The following NOS1AP variants were observed in gnomAD, a reference collection of about 807,000 sequenced individuals.
The protein encoded by NOS1AP is nitric oxide synthase 1 adaptor protein.
In NOS1AP, 21 loss-of-function variants were observed where a neutral mutation model predicts 56.2. The ratio of observed to expected loss-of-function variants is 0.37; its 90% CI spans 0.26 to 0.54. NOS1AP has a LOEUF of 0.54. NOS1AP is among the 20% of genes least tolerant of loss of function. NOS1AP has a pLI of 0.84. For synonymous variants in NOS1AP, 270 were observed against 274.6 expected (o/e 0.98, Z 0.17); for missense variants, 522 against 657.8 (o/e 0.79, Z 2.26).
At chr1:162,082,759 A>G (rs867874219) in intron 1 of NOS1AP, among the ~76,000 whole-genome samples, 2 of 152,122 alleles carry the variant, frequency 1.3e-5, no homozygotes, top group African/African-American at 2.4e-5. Flanking sequence ...CTCTCCACCC[A>G]GAGGCCCCAT....
intron 2 of NOS1AP, among the ~76,000 whole-genome samples, chr1:162,234,358 G>A (rs1314830917): frequency 1.3e-5 from 2 of 152,196 alleles, no homozygotes; most frequent in East Asian, 1.9e-4. Context: ...GCTAAGGAGT[G>A]TTCCTATTCC....
intron 2 of NOS1AP, among the ~76,000 whole-genome samples, chr1:162,158,656 G>C (rs880296): frequency 0.7 from 106,319 of 152,058 alleles, 38,076 homozygotes; most frequent in Non-Finnish European, 0.79. Context: ...GTGTTAGAAC[G>C]AAGACCAAAC....
intron 2 of NOS1AP, among the ~76,000 whole-genome samples, chr1:162,251,376 A>G (rs1653842344): frequency 1.3e-5 from 2 of 152,120 alleles, no homozygotes; most frequent in Non-Finnish European, 2.9e-5. Context: ...CTACCTTGTC[A>G]TTATGAGTCA....
intron 4 of NOS1AP, among the ~76,000 whole-genome samples, chr1:162,319,352 T>C (rs1210453115): frequency 2.6e-5 from 4 of 151,972 alleles, no homozygotes; most frequent in Non-Finnish European, 5.9e-5. Context: ...CCTGCCCTCC[T>C]CCAATCCATC....
chr1:162,333,621 C>T (rs1656845451), intron 5 of NOS1AP, among the ~76,000 whole-genome samples: 1 of 152,150 alleles, frequency 6.6e-6, no homozygotes, highest in Admixed American at 6.5e-5. Context: ...ATGTTAATGT[C>T]ATTCCCCCAG....
chr1:162,351,738 C>T (rs182323940), intron 6 of NOS1AP, among the ~76,000 whole-genome samples: 110 of 152,318 alleles, frequency 7.2e-4, no homozygotes, highest in African/African-American at 2.5e-3. Flanking sequence ...TGTCTCCCCC[C>T]GACCTACGAC....
chr1:162,299,584 CAGT>C (rs1655575542), intron 3 of NOS1AP, among the ~76,000 whole-genome samples: 1 of 152,230 alleles, frequency 6.6e-6, no homozygotes, highest in African/African-American at 2.4e-5. Flanking sequence ...ATAGGGTAGT[CAGT>C]AGCAATTATA....
At chr1:162,258,916 G>A (rs1343487723) in intron 2 of NOS1AP, among the ~76,000 whole-genome samples, 1 of 152,146 alleles carries the variant, frequency 6.6e-6, no homozygotes, top group Non-Finnish European at 1.5e-5. Context: ...TTGTAGGTGG[G>A]ATGACGTCTG....
chr1:162,148,387 G>A (rs573227436), intron 1 of NOS1AP, among the ~76,000 whole-genome samples: 1 of 152,228 alleles, frequency 6.6e-6, no homozygotes, highest in African/African-American at 2.4e-5. Flanking sequence ...TTGCATGGAG[G>A]TATGGGAGTC....
chr1:162,148,909 C>G (rs992515937), intron 1 of NOS1AP, among the ~76,000 whole-genome samples: 16 of 152,072 alleles, frequency 1.1e-4, no homozygotes, highest in African/African-American at 3.1e-4. Flanking sequence ...AGGTCCTGAT[C>G]ACTGATTAGC....
intron 4 of NOS1AP, among the ~76,000 whole-genome samples, chr1:162,329,290 G>A (rs948228419): frequency 3.3e-5 from 5 of 152,056 alleles, no homozygotes; most frequent in African/African-American, 1.2e-4. Flanking sequence ...CTACTCAGGA[G>A]GCTGAAGCAC....
chr1:162,309,296 AG>A (rs139980703), intron 4 of NOS1AP, among the ~76,000 whole-genome samples: 8,163 of 152,344 alleles, frequency 0.054, 298 homozygotes, highest in Non-Finnish European at 0.077. Context: ...AAGGTAAACA[AG>A]AAATCAGTTC....
chr1:162,350,300 A>G (rs1432813211), intron 6 of NOS1AP, among the ~76,000 whole-genome samples: 1 of 152,236 alleles, frequency 6.6e-6, no homozygotes, highest in Admixed American at 6.5e-5. Context: ...CAGTGCTTTC[A>G]ATGATGTTGC....
intron 2 of NOS1AP, among the ~76,000 whole-genome samples, chr1:162,251,539 C>T (rs1310953587): frequency 6.6e-6 from 1 of 151,528 alleles, no homozygotes; most frequent in African/African-American, 2.4e-5. Flanking sequence ...AAGTTGACTC[C>T]CAAGGAGACA....
chr1:162,286,308 G>A (rs763926584), intron 2 of NOS1AP, among the ~76,000 whole-genome samples: 11 of 152,194 alleles, frequency 7.2e-5, no homozygotes, highest in Non-Finnish European at 1.0e-4. Flanking sequence ...GGTAGGAGAA[G>A]GTCTTGAGTA....
chr1:162,265,916 T>G (rs1211708030), intron 2 of NOS1AP, among the ~76,000 whole-genome samples: 1 of 152,220 alleles, frequency 6.6e-6, no homozygotes, highest in Non-Finnish European at 1.5e-5. Flanking sequence ...CTTGACTCCT[T>G]ATGTAGTGCT....
chr1:162,111,949 A>T (rs1647726949), intron 1 of NOS1AP, among the ~76,000 whole-genome samples: 1 of 152,192 alleles, frequency 6.6e-6, no homozygotes, highest in African/African-American at 2.4e-5. Flanking sequence ...GGTGGTTGGT[A>T]ACAATTTATG....
intron 8 of NOS1AP, among the ~76,000 whole-genome samples, chr1:162,357,686 A>C (rs1557891960): frequency 6.6e-6 from 1 of 151,930 alleles, no homozygotes; most frequent in Non-Finnish European, 1.5e-5. Flanking sequence ...GTAGGATTTA[A>C]CTTACAGGAA....
intron 3 of NOS1AP, among the ~76,000 whole-genome samples, chr1:162,299,775 T>A (rs553012416): frequency 1.3e-5 from 2 of 152,274 alleles, no homozygotes; most frequent in South Asian, 4.2e-4. Context: ...TGTGTGTCTG[T>A]GTGTGCACGC....
Sources: allele counts gnomAD v4.1 joint callset (sites outside exome capture counted in the v4.1 genomes callset), GRCh38; gene constraint gnomAD v4.1.1; transcripts MANE v1.5; gene names NCBI Gene and HGNC (gene_info 2026-07-23, HGNC 2026-07-21).